Variants in OR2T12 observed in about 807,000 individuals in gnomAD.
The protein encoded by OR2T12 is olfactory receptor 2T12.
For missense variants in OR2T12, 335 were observed against 404.3 expected, an observed-to-expected ratio of 0.83 and a Z score of 1.47; for synonymous variants, 127 against 160.5, an observed-to-expected ratio of 0.79 and a Z score of 1.58.
At chr1:248,301,769 C>T (rs893153895) in intron 1 of OR2T12, among the ~76,000 whole-genome samples, 7 of 152,014 alleles carry the variant, frequency 4.6e-5, no homozygotes, top group African/African-American at 1.7e-4. Flanking sequence ...TGCATACGTT[C>T]AGTTTTTTTA....
In OR2T12 at chr1:248,300,051, T is replaced by G. The variant is rs111564423; in HGVS notation, c.-9+1322A>C. ...ATTCAAAGCAGTATGTAGAGGGAAATTAATAGCATGTGCACATTGTGCACA... is the reference window on the plus strand; with the variant it reads ...ATTCAAAGCAGTATGTAGAGGGAAAGTAATAGCATGTGCACATTGTGCACA... On this transcript the variant is annotated intron_variant, in intron 2 of 2. Coordinates refer to ENST00000641276, the MANE Select transcript of OR2T12 (RefSeq NM_001004692.2). 6.5e-3 allele frequency among the ~76,000 whole-genome samples: 982 copies of G among 152,172 alleles called. 14 individuals carry two copies. Among genetic ancestry groups the G allele is most frequent in the African/African-American group, 0.022 (922 of 41,534 alleles).
intron 1 of OR2T12, among the ~76,000 whole-genome samples, chr1:248,302,170 A>G (rs1659820796): frequency 6.6e-6 from 1 of 152,136 alleles, no homozygotes; most frequent in Admixed American, 6.5e-5. Flanking sequence ...GAAACAAAAC[A>G]AAACAAAGCA....
intron 2 of OR2T12, among the ~76,000 whole-genome samples, chr1:248,299,100 A>G (rs1179936056): frequency 6.6e-6 from 1 of 152,232 alleles, no homozygotes; most frequent in African/African-American, 2.4e-5. Flanking sequence ...TGTAAAGACC[A>G]TCAAGGCTAG....
Position 248,294,568 on chromosome 1 carries a change from T to C in OR2T12, c.*48A>G, listed in dbSNP as rs536493879. On this transcript the variant is annotated 3_prime_UTR_variant, in exon 3 of 3. Coordinates refer to ENST00000641276, the MANE Select transcript of OR2T12 (RefSeq NM_001004692.2). ...TTACTAAAGGGAGAGAATTACATAG[T>C]GTTAAAATGTTAATAAATTCAGGAA... The C allele has an allele frequency of 1.9e-6, 3 of 1,566,624 alleles. No individual in the cohort carries two copies. Among genetic ancestry groups the C allele is most frequent in the East Asian group, 2.2e-5 (1 of 44,510 alleles).
chr1:248,297,514 A>T (rs927689546), intron 2 of OR2T12, among the ~76,000 whole-genome samples: 8 of 151,638 alleles, frequency 5.3e-5, no homozygotes, highest in South Asian at 2.1e-4. Flanking sequence ...TTTGTTTGTA[A>T]CCTCTTTTAT....
rs530841635 is a variant in OR2T12 at position 248,300,132 on chromosome 1, T to C, written c.-9+1241A>G. On this transcript the variant is annotated intron_variant, in intron 2 of 2. Transcript: ENST00000641276. ...TAAAATTAAAAAAATAGAAAAACGA[T>C]GTCTAATATGTGATCGAGTTTTTCC... Among the ~76,000 whole-genome samples, 5 of 152,158 alleles carry C rather than the reference T, an allele frequency of 3.3e-5. No homozygotes were observed. The South Asian group carries it at 1.0e-3, about 32-fold the overall frequency.
rs1200669345 is a variant in OR2T12 at position 248,294,405 on chromosome 1, A to G, written c.*211T>C. 9 of 552,744 alleles carry G rather than the reference A, an allele frequency of 1.6e-5. No individual in the cohort carries two copies. Among genetic ancestry groups the G allele is most frequent in the African/African-American group, 1.3e-4 (7 of 53,254 alleles). The allele number at this position is 552,744 out of a possible 1,614,324, so 34.2% of individuals were successfully genotyped here. A position where few individuals can be genotyped will look rare whatever the true frequency, so the allele number is the denominator to read the frequency against. On this transcript the variant is annotated 3_prime_UTR_variant, in exon 3 of 3. Transcript: ENST00000641276. The stretch of plus-strand genomic sequence containing the variant: ...ATCATGGGGTTGTTGTAGGATACAA[A>G]GTAATCTATAGGTATTACTTCACTT...
At chr1:248,302,503 A>G (rs1003582548) in intron 1 of OR2T12, among the ~76,000 whole-genome samples, 18 of 152,308 alleles carry the variant, frequency 1.2e-4, no homozygotes, top group African/African-American at 4.3e-4. Context: ...GTAATATTTT[A>G]AAGCATTTTA....
rs1428945107 is a variant in OR2T12 at position 248,295,215 on chromosome 1, C to T, written c.364G>A (p.Ala122Thr). 6.2e-7 allele frequency: 1 copy of T among 1,609,550 alleles called. No homozygotes were observed. Among genetic ancestry groups the T allele is most frequent in the Non-Finnish European group, 8.5e-7 (1 of 1,179,070 alleles). Residue 122 changes from alanine (A) to threonine (T), a missense_variant, in exon 3 of 3, where the codon GCG becomes ACG. Coordinates refer to ENST00000641276, the MANE Select transcript of OR2T12 (RefSeq NM_001004692.2). ...LLAAMAYDRYAAVCHPLRYPT... is the reference protein window; with the variant it reads ...LLAAMAYDRYTAVCHPLRYPT... ...TATCGGAGTGGGTGGCAGACAGCCG[C>T]ATAGCGGTCATAGGCCATGGCTGCT...
In OR2T12 at chr1:248,299,949, G is replaced by A. The variant is rs1037933585; in HGVS notation, c.-9+1424C>T. On this transcript the variant is annotated intron_variant, in intron 2 of 2. Coordinates refer to ENST00000641276, the MANE Select transcript of OR2T12 (RefSeq NM_001004692.2). ...CCTGAATGACTACTGGGTACATAACGAAATGAAGGCAGAAATAAAGATGTT... is the reference window on the plus strand; with the variant it reads ...CCTGAATGACTACTGGGTACATAACAAAATGAAGGCAGAAATAAAGATGTT... Among the ~76,000 whole-genome samples, 60 of 152,102 alleles carry A rather than the reference G, an allele frequency of 3.9e-4. 2 individuals carry two copies. Among genetic ancestry groups the A allele is most frequent in the East Asian group, 1.9e-4 (1 of 5,190 alleles).
rs146364564 is a variant in OR2T12, at chr1:248,295,145, G to A, written c.434C>T (p.Ser145Leu). 6.2e-7 allele frequency: 1 copy of A among 1,607,224 alleles called. No individual in the cohort carries two copies. The highest frequency in any genetic ancestry group is 1.7e-5 in the Admixed American group (1 of 59,490). ...GTCAGCTGCACCCAGGAGCCAGGAC[G>A]ACATGGTCATCCTCAGGCACAGCTG... is the stretch of plus-strand genomic sequence containing the variant. Reference protein sequence around the residue: ...SWQLCLRMTMSSWLLGAADGL... With the variant: ...SWQLCLRMTMLSWLLGAADGL... The change falls in exon 3 of 3, where the codon TCG becomes TTG. Residue 145 changes from serine to leucine, a missense_variant. Physicochemically the swap from Ser to Leu is moderately radical, Grantham distance 145. Transcript: ENST00000641276.
Position 248,292,235 on chromosome 1 carries a change from A to G in OR2T12, c.*2381T>C, listed in dbSNP as rs1476713499. The G allele has an allele frequency of 6.6e-6, 1 of 152,160 alleles. No individual in the cohort carries two copies. The highest frequency in any genetic ancestry group is 1.5e-5 in the Non-Finnish European group (1 of 67,982). The allele number at this position is 152,160 out of a possible 1,614,324, so 9.4% of individuals were successfully genotyped here. On this transcript the variant is annotated 3_prime_UTR_variant, in exon 3 of 3. Coordinates refer to ENST00000641276, the MANE Select transcript of OR2T12 (RefSeq NM_001004692.2). ...GCCAGAATGATTGAAGATAGCAGGT[A>G]ATATCCAAGATTAGTTCAAAGCCTC... is the stretch of plus-strand genomic sequence containing the variant.
chr1:248,296,050 T>A (rs2103038214), intron 2 of OR2T12, among the ~76,000 whole-genome samples: 1 of 132,724 alleles, frequency 7.5e-6, no homozygotes. Flanking sequence ...TTCCCCTTCC[T>A]GTGTCCATGT....
chr1:248,291,006 T>G lies in OR2T12; in HGVS notation c.*3610A>C, dbSNP rs1200160770. On this transcript the variant is annotated 3_prime_UTR_variant, in exon 3 of 3. Coordinates refer to ENST00000641276, the MANE Select transcript of OR2T12 (RefSeq NM_001004692.2). ...CTTTGCCCACTTTTTGATGGGGTTG[T>G]TTTTTTTTTCTTATAAATATGTTTA... The G allele has an allele frequency of 7.2e-5, 2 of 27,718 alleles. No individual in the cohort carries two copies. Among genetic ancestry groups the G allele is most frequent in the Admixed American group, 5.6e-4 (2 of 3,570 alleles). 1.7% of individuals were successfully genotyped at this position (27,718 alleles called of 1,614,324 possible).
rs1329107073 is a variant in OR2T12 at position 248,294,080 on chromosome 1, A to G, written c.*536T>C. On this transcript the variant is annotated 3_prime_UTR_variant, in exon 3 of 3. Coordinates refer to ENST00000641276, the MANE Select transcript of OR2T12 (RefSeq NM_001004692.2). ...TAGTTTTTAATTGTAGAGCATACAC[A>G]TGGGAAATAACACTCAAAATACATT... The G allele has an allele frequency of 2.0e-5, 3 of 153,086 alleles. No individual in the cohort carries two copies. Among genetic ancestry groups the G allele is most frequent in the African/African-American group, 7.2e-5 (3 of 41,414 alleles). The allele number at this position is 153,086 out of a possible 1,614,324, so 9.5% of individuals were successfully genotyped here. A position where few individuals can be genotyped will look rare whatever the true frequency, so the allele number is the denominator to read the frequency against.
At chr1:248,302,035 T>C (rs1446268469) in intron 1 of OR2T12, among the ~76,000 whole-genome samples, 5 of 149,012 alleles carry the variant, frequency 3.4e-5, no homozygotes, top group African/African-American at 1.3e-4. Context: ...AGGCCAGAAC[T>C]TGATAAAAAA....
intron 1 of OR2T12, among the ~76,000 whole-genome samples, chr1:248,302,228 A>G (rs1186460092): frequency 6.6e-6 from 1 of 152,130 alleles, no homozygotes; most frequent in East Asian, 1.9e-4. Context: ...TTTATTTGTA[A>G]TAATAAAATG....
At chr1:248,296,058 T>C (rs896796436) in intron 2 of OR2T12, among the ~76,000 whole-genome samples, 2 of 140,226 alleles carry the variant, frequency 1.4e-5, no homozygotes, top group Non-Finnish European at 3.1e-5. Flanking sequence ...CCTGTGTCCA[T>C]GTGTTCTCAT....
intron 2 of OR2T12, among the ~76,000 whole-genome samples, chr1:248,301,103 T>G (rs1308746540): frequency 6.6e-6 from 1 of 152,112 alleles, no homozygotes; most frequent in Non-Finnish European, 1.5e-5. Context: ...CTTCATTGCC[T>G]CAAAATTCCC....
Sources: allele counts gnomAD v4.1 joint callset (sites outside exome capture counted in the v4.1 genomes callset), GRCh38; gene constraint gnomAD v4.1.1; transcripts MANE v1.5; gene names NCBI Gene and HGNC (gene_info 2026-07-23, HGNC 2026-07-21).